The following PIP5K1A variants were observed in gnomAD, a reference collection of about 807,000 sequenced individuals.
The protein encoded by PIP5K1A is phosphatidylinositol-4-phosphate 5-kinase type 1 alpha, also known as phosphatidylinositol 4-phosphate 5-kinase type-1 alpha.
A neutral mutation model predicts 72.9 loss-of-function variants in PIP5K1A; 46 were observed. The observed-to-expected ratio is 0.63, with a 90% CI of 0.50 to 0.81. The LOEUF is 0.81. Ranked by LOEUF, PIP5K1A falls within the 30% of genes least tolerant of loss-of-function variation. PIP5K1A has a pLI of 0.00. For missense variants in PIP5K1A, 458 were observed against 706.1 expected (o/e 0.65, Z 3.98); for synonymous variants, 228 against 255.1 (o/e 0.89, Z 1.01).
chr1:151,226,306 T>TG (rs1158163865), intron 3 of PIP5K1A, among the ~76,000 whole-genome samples: 2 of 151,776 alleles, frequency 1.3e-5, no homozygotes, highest in Admixed American at 6.6e-5. Flanking sequence ...AGGCTGGTCT[T>TG]GAACTCCTGA....
intron 8 of PIP5K1A, among the ~76,000 whole-genome samples, chr1:151,234,755 A>G (rs1018039684): frequency 2.6e-5 from 4 of 152,178 alleles, no homozygotes; most frequent in East Asian, 3.8e-4. Flanking sequence ...TTTCATACCA[A>G]CATCATCCTT....
At chr1:151,210,230 C>G (rs1172115587) in intron 1 of PIP5K1A, among the ~76,000 whole-genome samples, 3 of 148,726 alleles carry the variant, frequency 2.0e-5, no homozygotes, top group Non-Finnish European at 3.0e-5. Flanking sequence ...GGATCTCACT[C>G]TGTCATCCAG....
intron 1 of PIP5K1A, among the ~76,000 whole-genome samples, chr1:151,204,061 T>C (rs921900493): frequency 2.0e-5 from 3 of 152,152 alleles, no homozygotes; most frequent in Non-Finnish European, 4.4e-5. Context: ...TTGGGACTTT[T>C]ATAGTAGGGA....
chr1:151,223,661 C>T lies in PIP5K1A; in HGVS notation c.86-584C>T, dbSNP rs587612020. On this transcript the variant is annotated intron_variant, in intron 1 of 15. Coordinates refer to ENST00000368888, the MANE Select transcript of PIP5K1A (RefSeq NM_001135638.2). ...CTCTGTCTCAAAAAAAAAAAAAAAGCGACAGAGCGAGACTCCATCTAAAAA... is the reference window on the plus strand; with the variant it reads ...CTCTGTCTCAAAAAAAAAAAAAAAGTGACAGAGCGAGACTCCATCTAAAAA... 2.4e-3 allele frequency among the ~76,000 whole-genome samples: 229 copies of T among 96,956 alleles called. 7 individuals carry two copies. Among genetic ancestry groups the T allele is most frequent in the African/African-American group, 7.9e-3 (210 of 26,668 alleles). The allele number at this position is 96,956 out of a possible 152,430, so 63.6% of individuals were successfully genotyped here.
intron 1 of PIP5K1A, chr1:151,215,994 A>C: frequency 7.7e-7 from 1 of 1,299,598 alleles, no homozygotes. Flanking sequence ...GGTCAGTGGT[A>C]AGAGAGGTAG....
In PIP5K1A at chr1:151,198,982, G is replaced by T. The variant is rs764638403; in HGVS notation, c.-15G>T. The T allele has an allele frequency of 1.9e-6, 3 of 1,612,826 alleles. No homozygotes were observed. The South Asian group carries it at 3.3e-5, about 18-fold the overall frequency. ...GAAAGAGAGCCAGGCCGCTGAGGGG[G>T]AGGGGGCTGCTAAGATGGCGTCGGC... On this transcript the variant is annotated 5_prime_UTR_variant, in exon 1 of 16. Transcript: ENST00000368888.
intron 1 of PIP5K1A, among the ~76,000 whole-genome samples, chr1:151,214,224 A>G (rs1687260133): frequency 6.6e-6 from 1 of 152,148 alleles, no homozygotes; most frequent in Admixed American, 6.5e-5. Context: ...AGTTATATAT[A>G]CACTGCTGTA....
chr1:151,212,199 A>G (rs1339822487), intron 1 of PIP5K1A, among the ~76,000 whole-genome samples: 1 of 152,190 alleles, frequency 6.6e-6, no homozygotes, highest in Non-Finnish European at 1.5e-5. Flanking sequence ...AACGCCTGTA[A>G]TCCCAGCACT....
intron 12 of PIP5K1A, among the ~76,000 whole-genome samples, chr1:151,241,170 A>C (rs1451979827): frequency 6.6e-6 from 1 of 151,574 alleles, no homozygotes; most frequent in Non-Finnish European, 1.5e-5. Context: ...ATCTCAAAAA[A>C]AGTTATCTTT....
chr1:151,199,098 G>T lies in PIP5K1A; in HGVS notation c.85+17G>T. 6.2e-7 allele frequency: 1 copy of T among 1,613,994 alleles called. No individual in the cohort carries two copies. The highest frequency in any genetic ancestry group is 1.1e-5 in the South Asian group (1 of 91,090). ...TGTCCTCAGGTAAGCCCGGCAGGGC[G>T]TGGGTAGGGAGCTGGTGAGGAATAT... is the stretch of plus-strand genomic sequence containing the variant. On this transcript the variant is annotated intron_variant, in intron 1 of 15. Transcript: ENST00000368888.
In PIP5K1A at chr1:151,228,892, AT is replaced by A. The variant is rs796462552; in HGVS notation, c.237+1504del. On this transcript the variant is annotated intron_variant, in intron 4 of 15. Coordinates refer to ENST00000368888, the MANE Select transcript of PIP5K1A (RefSeq NM_001135638.2). ...CTTTTACTGAGCTCTTCATTTTTAA[AT>A]TTTTTTTTTTTAAGAAATGGGATCT... Among the ~76,000 whole-genome samples, 1,125 of 147,472 alleles carry A rather than the reference AT, an allele frequency of 7.6e-3. 14 individuals are homozygous for A. Among genetic ancestry groups the A allele is most frequent in the African/African-American group, 0.025 (1,026 of 40,414 alleles).
intron 1 of PIP5K1A, among the ~76,000 whole-genome samples, chr1:151,223,039 CCT>C (rs1387712044): frequency 1.3e-5 from 2 of 151,214 alleles, no homozygotes; most frequent in African/African-American, 4.9e-5. Context: ...ATGGTGAAAC[CCT>C]CTCTCTTCTA....
At chr1:151,200,529 G>T (rs138091525) in intron 1 of PIP5K1A, among the ~76,000 whole-genome samples, 1 of 152,210 alleles carries the variant, frequency 6.6e-6, no homozygotes, top group African/African-American at 2.4e-5. Flanking sequence ...GATGTTGGAT[G>T]CTTTGCTTGA....
intron 1 of PIP5K1A, among the ~76,000 whole-genome samples, chr1:151,217,247 C>CT (rs1687775986): frequency 6.6e-6 from 1 of 152,162 alleles, no homozygotes; most frequent in African/African-American, 2.4e-5. Context: ...CCTAGCAAAC[C>CT]TAGGTGTTCT....
chr1:151,225,332 T>G (rs1558268885), intron 3 of PIP5K1A, among the ~76,000 whole-genome samples: 1 of 152,186 alleles, frequency 6.6e-6, no homozygotes. Context: ...ATACCCTGTT[T>G]CCACTAGTCT....
At chr1:151,196,722 T>C (rs950264270), upstream of PIP5K1A, among the ~76,000 whole-genome samples, 5 of 151,520 alleles carry the variant, frequency 3.3e-5, no homozygotes, top group Non-Finnish European at 5.9e-5. Flanking sequence ...CCACTACGCC[T>C]GGGTAATTTT....
chr1:151,219,792 C>G (rs2102336976), intron 1 of PIP5K1A, among the ~76,000 whole-genome samples: 1 of 151,658 alleles, frequency 6.6e-6, no homozygotes, highest in African/African-American at 2.4e-5. Context: ...TCGCTTGAGC[C>G]CAGGCATTCA....
intron 3 of PIP5K1A, among the ~76,000 whole-genome samples, chr1:151,225,512 C>T (rs957003782): frequency 6.6e-6 from 1 of 151,744 alleles, no homozygotes; most frequent in Non-Finnish European, 1.5e-5. Context: ...CTCTGTTGCC[C>T]AGTATGGAGT....
At chr1:151,198,139 A>T, upstream of PIP5K1A, 1 of 468,996 alleles carries the variant, frequency 2.1e-6, no homozygotes, top group South Asian at 1.6e-5. Flanking sequence ...ACGCACGTTT[A>T]ATCAAATAGT....
Sources: gnomAD v4.1 joint callset for allele counts (sites outside exome capture counted in the v4.1 genomes callset) on GRCh38, gnomAD v4.1.1 for gene constraint, MANE v1.5 for transcripts, NCBI Gene and HGNC (gene_info 2026-07-23, HGNC 2026-07-21) for gene names.